Variants in ZBTB8A observed in about 807,000 individuals in gnomAD.
ZBTB8A encodes zinc finger and BTB domain containing 8A, also known as zinc finger and BTB domain-containing protein 8A.
ZBTB8A carries 19 observed loss-of-function variants against 37.8 expected under a neutral mutation model. That is an observed-to-expected ratio of 0.50 (90% confidence interval 0.35 to 0.74). The LOEUF (loss-of-function observed/expected upper bound fraction) is 0.74. Among genes scored for constraint, ZBTB8A ranks in the 30% least tolerant of loss-of-function variants. The pLI, the probability that ZBTB8A is intolerant of heterozygous loss-of-function variation, is 0.01. For synonymous variants in ZBTB8A, 181 were observed against 185.2 expected (o/e 0.98, Z 0.19); for missense variants, 394 against 537.8 (o/e 0.73, Z 2.65).
At chr1:32,555,056 T>A (rs1178203669) in intron 2 of ZBTB8A, among the ~76,000 whole-genome samples, 3 of 152,186 alleles carry the variant, frequency 2.0e-5, no homozygotes, top group Admixed American at 1.3e-4. Flanking sequence ...TTGGCGTCAC[T>A]GTCTGGGTTA....
rs1019711409 is a variant in ZBTB8A, at chr1:32,578,443, C to T, written c.-1-14488C>T. ...AGCTAGTCTGGTCTCCATCTCCTGA[C>T]CTCAAGTGATCCGCCCGCCTTGGCC... On this transcript the variant is annotated intron_variant, in intron 2 of 4. Transcript: ENST00000373510. Among the ~76,000 whole-genome samples the T allele has an allele frequency of 2.2e-4, 33 of 151,966 alleles. 1 individual carries two copies. Among genetic ancestry groups the T allele is most frequent in the Admixed American group, 1.7e-3 (26 of 15,224 alleles).
rs118162982 is a variant in ZBTB8A, at chr1:32,546,650, A to G, written c.-83-6809A>G. ...TTGTCTCAAGAATTTAAAAAAGGAA[A>G]ATATACTTCTGTGGAGTTCAGAACA... On this transcript the variant is annotated intron_variant, in intron 1 of 4. Coordinates refer to ENST00000373510, the MANE Select transcript of ZBTB8A (RefSeq NM_001040441.3). 2.2e-4 allele frequency among the ~76,000 whole-genome samples: 34 copies of G among 152,120 alleles called. No homozygotes were observed. In the East Asian group the frequency reaches 5.6e-3, roughly 25 times the overall value.
At position 32,593,454 on chromosome 1, in the gene ZBTB8A, A is replaced by G. The variant is rs1644505560; in HGVS notation, c.523A>G (p.Ile175Val). The G allele has an allele frequency of 6.2e-7, 1 of 1,613,894 alleles. No individual in the cohort carries two copies. The highest frequency in any genetic ancestry group is 8.5e-7 in the Non-Finnish European group (1 of 1,180,048). ...HLSPEQGTGI[I>V]SGKSWNKYNY... ...AAGCCCAGAGCAAGGAACAGGTATA[A>G]TAAGTGGAAAATCTTGGAATAAGTA... is the stretch of plus-strand genomic sequence containing the variant. Residue 175 changes from isoleucine to valine, a missense_variant, in exon 3 of 5, where the codon ATA becomes GTA. By Grantham distance (29) the Ile-to-Val change is conservative. Transcript: ENST00000373510.
chr1:32,598,060 G>A (rs532658628), intron 4 of ZBTB8A, among the ~76,000 whole-genome samples: 18 of 151,148 alleles, frequency 1.2e-4, no homozygotes, highest in Non-Finnish European at 1.6e-4. Context: ...AGCCTAATAC[G>A]CATAATATTA....
At chr1:32,548,864 C>T (rs1377858712) in intron 1 of ZBTB8A, among the ~76,000 whole-genome samples, 1 of 152,018 alleles carries the variant, frequency 6.6e-6, no homozygotes, top group Non-Finnish European at 1.5e-5. Context: ...TATTATTGTC[C>T]CTGTATTAGT....
chr1:32,589,723 G>A (rs1054130667), intron 2 of ZBTB8A, among the ~76,000 whole-genome samples: 1 of 146,956 alleles, frequency 6.8e-6, no homozygotes, highest in Non-Finnish European at 1.5e-5. Flanking sequence ...CTGATTTTTT[G>A]GTATTTTTAG....
chr1:32,600,668 T>C lies in ZBTB8A; in HGVS notation c.*249T>C. On this transcript the variant is annotated 3_prime_UTR_variant, in exon 5 of 5. Transcript: ENST00000373510. ...GCTTGATGGATGAACAATTATCCTC[T>C]TACTTTCATTACAATCCTCTTACTT... The C allele has an allele frequency of 1.0e-5, 4 of 394,030 alleles. No individual in the cohort carries two copies. Among genetic ancestry groups the C allele is most frequent in the Non-Finnish European group, 1.8e-5 (4 of 219,062 alleles). 24.4% of individuals were successfully genotyped at this position (394,030 alleles called of 1,614,324 possible).
chr1:32,555,791 C>T (rs1644197046), intron 2 of ZBTB8A, among the ~76,000 whole-genome samples: 1 of 152,184 alleles, frequency 6.6e-6, no homozygotes, highest in Non-Finnish European at 1.5e-5. Context: ...CCTGATTTCC[C>T]ATTCCTCTGA....
chr1:32,576,801 G>A (rs1644363912), intron 2 of ZBTB8A, among the ~76,000 whole-genome samples: 1 of 152,082 alleles, frequency 6.6e-6, no homozygotes, highest in African/African-American at 2.4e-5. Flanking sequence ...CTGACCTCAA[G>A]TGATCTGCCC....
chr1:32,573,532 G>A (rs113839457), intron 2 of ZBTB8A, among the ~76,000 whole-genome samples: 19,042 of 150,080 alleles, frequency 0.13, 1,370 homozygotes, highest in African/African-American at 0.21. Context: ...TCCTGGGCTC[G>A]GGTGATTCTC....
chr1:32,575,866 C>T (rs535976093), intron 2 of ZBTB8A, among the ~76,000 whole-genome samples: 44 of 152,072 alleles, frequency 2.9e-4, no homozygotes, highest in African/African-American at 9.4e-4. Context: ...AACAAACAAA[C>T]GAAAAGAATA....
At chr1:32,564,439 A>G (rs1044737128) in intron 2 of ZBTB8A, among the ~76,000 whole-genome samples, 1 of 152,226 alleles carries the variant, frequency 6.6e-6, no homozygotes, top group African/African-American at 2.4e-5. Flanking sequence ...GTAAGTGGAA[A>G]TGTAACACAG....
intron 2 of ZBTB8A, among the ~76,000 whole-genome samples, chr1:32,590,221 A>G (rs560330189): frequency 4.6e-5 from 7 of 152,172 alleles, no homozygotes; most frequent in African/African-American, 1.7e-4. Flanking sequence ...GGCATGAGCC[A>G]CTGCGCCCTG....
Position 32,602,439 on chromosome 1 carries a change from C to A in ZBTB8A, c.*2020C>A, listed in dbSNP as rs977058800. ...GTTCTAAAGGTAAAATCTAAATATC[C>A]GAAGTAAAGAACTGAGCTTCATAAA... On this transcript the variant is annotated 3_prime_UTR_variant, in exon 5 of 5. Coordinates refer to ENST00000373510, the MANE Select transcript of ZBTB8A (RefSeq NM_001040441.3). 6.6e-6 allele frequency: 1 copy of A among 152,030 alleles called. No individual in the cohort carries two copies. The highest frequency in any genetic ancestry group is 6.6e-5 in the Admixed American group (1 of 15,224). The allele number at this position is 152,030 out of a possible 1,614,324, so 9.4% of individuals were successfully genotyped here. A position where few individuals can be genotyped will look rare whatever the true frequency, so the allele number is the denominator to read the frequency against.
intron 2 of ZBTB8A, among the ~76,000 whole-genome samples, chr1:32,577,477 A>G (rs1364794855): frequency 6.8e-6 from 1 of 147,216 alleles, no homozygotes; most frequent in Admixed American, 6.8e-5. Flanking sequence ...TTTTAACTTT[A>G]GTTCAGATAA....
chr1:32,541,967 G>A (rs1417157581), intron 1 of ZBTB8A, among the ~76,000 whole-genome samples: 2 of 152,066 alleles, frequency 1.3e-5, no homozygotes, highest in South Asian at 4.1e-4. Context: ...ACGATTTTTT[G>A]ACTTTACAGT....
intron 2 of ZBTB8A, among the ~76,000 whole-genome samples, chr1:32,566,133 C>T (rs562364554): frequency 2.1e-4 from 31 of 148,746 alleles, no homozygotes; most frequent in Admixed American, 1.9e-3. Context: ...ACCCAGGAGG[C>T]GGAGCTTGCA....
intron 2 of ZBTB8A, among the ~76,000 whole-genome samples, chr1:32,578,743 T>C (rs371114278): frequency 2.6e-5 from 4 of 152,056 alleles, no homozygotes; most frequent in African/African-American, 9.6e-5. Flanking sequence ...CACTGTGTTA[T>C]CCAGGCTGGA....
chr1:32,544,844 A>G (rs1644089797), intron 1 of ZBTB8A, among the ~76,000 whole-genome samples: 2 of 152,232 alleles, frequency 1.3e-5, no homozygotes, highest in East Asian at 1.9e-4. Flanking sequence ...CATTCTTTTT[A>G]TGGCCGAGTT....
Sources: gnomAD v4.1 joint callset for allele counts (sites outside exome capture counted in the v4.1 genomes callset) on GRCh38, gnomAD v4.1.1 for gene constraint, MANE v1.5 for transcripts, NCBI Gene and HGNC (gene_info 2026-07-23, HGNC 2026-07-21) for gene names.